CFAP299: variants seen among roughly 807,000 people sequenced by gnomAD.
CFAP299 encodes the protein cilia and flagella associated protein 299, also known as cilia- and flagella-associated protein 299.
CFAP299 carries 21 observed loss-of-function variants against 27.0 expected under a neutral mutation model. The ratio of observed to expected loss-of-function variants is 0.78; its 90% CI spans 0.55 to 1.12. The LOEUF is 1.12. Among genes scored for constraint, CFAP299 ranks in the 50% most tolerant of loss-of-function variants. The pLI is 0.00. For synonymous variants in CFAP299, 104 were observed against 98.1 expected (o/e 1.06, Z -0.36); for missense variants, 310 against 276.6 (o/e 1.12, Z -0.86).
In CFAP299 at chr4:80,487,144, C is replaced by A. The variant is rs570907154; in HGVS notation, c.243-95949C>A. On this transcript the variant is annotated intron_variant, in intron 2 of 5. Coordinates refer to ENST00000358105, the MANE Select transcript of CFAP299 (RefSeq NM_152770.3). ...CTCCTTTAACCTTTCCGGAAACTAG[C>A]ATAAAATAACTCAACTCCCTTTAAC... is the stretch of plus-strand genomic sequence containing the variant. 2.0e-5 allele frequency among the ~76,000 whole-genome samples: 3 copies of A among 152,304 alleles called. No homozygotes were observed. In the South Asian group the frequency reaches 6.2e-4, roughly 32 times the overall value.
intron 3 of CFAP299, among the ~76,000 whole-genome samples, chr4:80,645,029 A>G (rs1375444672): frequency 6.6e-6 from 1 of 151,760 alleles, no homozygotes; most frequent in Non-Finnish European, 1.5e-5. Context: ...CCCAACCCAT[A>G]TTTTTCAGTC....
intron 2 of CFAP299, among the ~76,000 whole-genome samples, chr4:80,518,696 A>G (rs1266918020): frequency 6.6e-6 from 1 of 152,172 alleles, no homozygotes; most frequent in Non-Finnish European, 1.5e-5. Flanking sequence ...TTGGGTGGTG[A>G]GCAGGGAAAG....
At chr4:80,608,245 G>T in intron 3 of CFAP299, 1 of 800,892 alleles carries the variant, frequency 1.2e-6, no homozygotes, top group Non-Finnish European at 2.0e-6. Context: ...CAGTACCAGA[G>T]GGTGGGGTTC....
intron 5 of CFAP299, among the ~76,000 whole-genome samples, chr4:80,953,945 T>C (rs1299562108): frequency 6.6e-6 from 1 of 152,164 alleles, no homozygotes; most frequent in Admixed American, 6.5e-5. Context: ...TCAAACATGA[T>C]GCCAAAAGTA....
intron 3 of CFAP299, among the ~76,000 whole-genome samples, chr4:80,588,936 TC>T (rs1336165667): frequency 6.6e-6 from 1 of 152,184 alleles, no homozygotes; most frequent in Non-Finnish European, 1.5e-5. Context: ...GAACATCTTA[TC>T]CAGGTTTATA....
chr4:80,798,411 G>A (rs1478902140), intron 3 of CFAP299, among the ~76,000 whole-genome samples: 2 of 152,086 alleles, frequency 1.3e-5, no homozygotes, highest in Non-Finnish European at 2.9e-5. Flanking sequence ...ATGTTCACCA[G>A]AGTTTACAAA....
chr4:80,523,832 A>G lies in CFAP299; in HGVS notation c.243-59261A>G, dbSNP rs563486411. Among the ~76,000 whole-genome samples the G allele has an allele frequency of 3.5e-4, 53 of 152,212 alleles. 1 individual carries two copies. In the South Asian group the frequency reaches 0.01, roughly 30 times the overall value. ...ACTCCCTCATAATAAAATTTTTTCT[A>G]TATATTCTATGCGTCCTGTTTCTGG... On this transcript the variant is annotated intron_variant, in intron 2 of 5. Coordinates refer to ENST00000358105, the MANE Select transcript of CFAP299 (RefSeq NM_152770.3).
At chr4:80,354,331 A>T (rs973227679) in intron 1 of CFAP299, among the ~76,000 whole-genome samples, 1 of 152,202 alleles carries the variant, frequency 6.6e-6, no homozygotes, top group Non-Finnish European at 1.5e-5. Flanking sequence ...TATTGTATAT[A>T]TACTTAATGG....
At chr4:80,419,161 G>C (rs1727164831) in intron 2 of CFAP299, among the ~76,000 whole-genome samples, 1 of 152,204 alleles carries the variant, frequency 6.6e-6, no homozygotes, top group Non-Finnish European at 1.5e-5. Context: ...AAAAGCTTTA[G>C]AGCAGAAATG....
chr4:80,850,720 T>C (rs971281129), intron 3 of CFAP299, among the ~76,000 whole-genome samples: 2 of 152,026 alleles, frequency 1.3e-5, no homozygotes, highest in Non-Finnish European at 2.9e-5. Flanking sequence ...TATGCTGATT[T>C]CCATTTTAGA....
intron 3 of CFAP299, among the ~76,000 whole-genome samples, chr4:80,726,679 T>C (rs1723183012): frequency 6.6e-6 from 1 of 152,202 alleles, no homozygotes. Flanking sequence ...AACACTGACA[T>C]ATGTTCTTTC....
chr4:80,616,300 GTATGCTAATACTTCA>G (rs1343412025), intron 3 of CFAP299, among the ~76,000 whole-genome samples: 3 of 151,954 alleles, frequency 2.0e-5, no homozygotes, highest in African/African-American at 7.3e-5. Context: ...TATTGGCTGT[GTATGCTAATACTTCA>G]TATAAAAGAC....
intron 5 of CFAP299, among the ~76,000 whole-genome samples, chr4:80,962,309 G>A (rs575720360): frequency 4.6e-5 from 7 of 151,876 alleles, no homozygotes; most frequent in Non-Finnish European, 8.8e-5. Flanking sequence ...AGGAGAATTC[G>A]AAGAGCAGAA....
intron 3 of CFAP299, among the ~76,000 whole-genome samples, chr4:80,685,623 T>G (rs1466028042): frequency 9.5e-6 from 1 of 105,372 alleles, no homozygotes; most frequent in African/African-American, 3.7e-5. Flanking sequence ...TGGTTGTGTG[T>G]GGGGTGGGGG....
At chr4:80,743,870 T>C (rs1724431219) in intron 3 of CFAP299, among the ~76,000 whole-genome samples, 1 of 152,212 alleles carries the variant, frequency 6.6e-6, no homozygotes, top group African/African-American at 2.4e-5. Flanking sequence ...AGGTCTTTTC[T>C]GCCTACACAT....
intron 2 of CFAP299, among the ~76,000 whole-genome samples, chr4:80,390,708 T>C (rs142877908): frequency 0.022 from 3,094 of 142,334 alleles, 134 homozygotes; most frequent in African/African-American, 0.076. Flanking sequence ...TATATGTATA[T>C]ATGTATACAC....
At chr4:80,642,763 A>G (rs1468628419) in intron 3 of CFAP299, among the ~76,000 whole-genome samples, 1 of 152,110 alleles carries the variant, frequency 6.6e-6, no homozygotes, top group East Asian at 1.9e-4. Flanking sequence ...ATTCCGTCTC[A>G]AAAAGAATAA....
intron 2 of CFAP299, among the ~76,000 whole-genome samples, chr4:80,425,163 A>G (rs1165962395): frequency 6.6e-6 from 1 of 152,174 alleles, no homozygotes; most frequent in Non-Finnish European, 1.5e-5. Flanking sequence ...ACCTAATGAG[A>G]GGTGATTAGG....
At chr4:80,800,649 A>G (rs1315358392) in intron 3 of CFAP299, among the ~76,000 whole-genome samples, 1 of 84,760 alleles carries the variant, frequency 1.2e-5, no homozygotes, top group Non-Finnish European at 2.0e-5. Context: ...TAATATATTA[A>G]TATATATATG....
Sources: gnomAD v4.1 joint callset for allele counts (sites outside exome capture counted in the v4.1 genomes callset) on GRCh38, gnomAD v4.1.1 for gene constraint, MANE v1.5 for transcripts, NCBI Gene and HGNC (gene_info 2026-07-23, HGNC 2026-07-21) for gene names.